DDB1: variants seen among roughly 807,000 people sequenced by gnomAD.
DDB1 encodes damage specific DNA binding protein 1.
A neutral mutation model predicts 133.1 loss-of-function variants in DDB1; 18 were observed. The ratio of observed to expected loss-of-function variants is 0.14; its 90% CI spans 0.09 to 0.20. The LOEUF (loss-of-function observed/expected upper bound fraction) is 0.20. Ranked by LOEUF, DDB1 falls within the 10% of genes least tolerant of loss-of-function variation. The probability of loss-of-function intolerance (pLI) is 1.00; values close to 1 mark genes in which losing one functional copy is unlikely to be tolerated. For missense variants in DDB1, 828 were observed against 1,459.2 expected (o/e 0.57, Z 7.05); for synonymous variants, 580 against 550.5 (o/e 1.05, Z -0.75).
chr11:61,313,546 C>T lies in DDB1; in HGVS notation c.2022G>A (p.Lys674=). Residue 674 remains lysine (K), a synonymous_variant, in exon 16 of 27, where the codon AAG becomes AAA. Transcript: ENST00000301764. ...HKLVFSNVNL[K]EVNYMCPLNS... Reference sequence around the variant, plus strand: ...TGAGGGGACACATGTAGTTCACTTCCTTGAGGTTGACATTTGAGAAGACCA... The same window carrying T: ...TGAGGGGACACATGTAGTTCACTTCTTTGAGGTTGACATTTGAGAAGACCA... 6.2e-7 allele frequency: 1 copy of T among 1,614,150 alleles called. No homozygotes were observed. Among genetic ancestry groups the T allele is most frequent in the Middle Eastern group, 1.6e-4 (1 of 6,062 alleles).
Position 61,309,864 on chromosome 11 carries a change from G to A in DDB1, c.2498C>T (p.Thr833Ile), listed in dbSNP as rs889304958. 1.9e-6 allele frequency: 3 copies of A among 1,614,084 alleles called. No homozygotes were observed. The highest frequency in any genetic ancestry group is 1.3e-5 in the African/African-American group (1 of 74,922). The change falls in exon 20 of 27, where the codon ACA becomes ATA. Residue 833 changes from threonine to isoleucine, a missense_variant. This residue lies in a region of DDB1 where 396 missense variants were observed against 554.1 expected (regional missense o/e 0.71). Transcript: ENST00000301764. ...TGCCTCTTCAGGATACACCATTGCT[G>A]TGCCCACAATGAAGTAAGTGTTGGG... ...KDPNTYFIVG[T>I]AMVYPEEAEP...
At chr11:61,326,151 G>T (rs989126538) in intron 5 of DDB1, 36 of 257,366 alleles carry the variant, frequency 1.4e-4, no homozygotes, top group African/African-American at 7.9e-4. Context: ...CCTACTGAGT[G>T]AGACAAACAT....
intron 21 of DDB1, 144 bp from the exon 22 acceptor site, chr11:61,304,179 A>G: frequency 4.2e-6 from 3 of 711,640 alleles, no homozygotes; most frequent in Non-Finnish European, 6.8e-6. Context: ...CACTGGGGTG[A>G]ACATTTATTA....
chr11:61,314,053 C>G lies in DDB1; in HGVS notation c.1747G>C (p.Gly583Arg), dbSNP rs761975433. The change falls in exon 14 of 27, where the codon GGT becomes CGT. Residue 583 changes from glycine to arginine, a missense_variant. Coordinates refer to ENST00000301764, the MANE Select transcript of DDB1 (RefSeq NM_001923.5). The part of the protein sequence containing the change: ...SFELLHKEML[G>R]GEIIPRSILM... ...GTCCCTAAATGACACATACCTCCACCCAGCATCTCCTTGTGCAGTAGTTCA... is the reference window on the plus strand; with the variant it reads ...GTCCCTAAATGACACATACCTCCACGCAGCATCTCCTTGTGCAGTAGTTCA... 6.2e-6 allele frequency: 10 copies of G among 1,613,982 alleles called. No individual in the cohort carries two copies. The highest frequency in any genetic ancestry group is 8.5e-6 in the Non-Finnish European group (10 of 1,179,936).
chr11:61,329,893 T>G, intron 3 of DDB1, 65 bp downstream of exon 3: 3 of 1,403,710 alleles, frequency 2.1e-6, no homozygotes, highest in Non-Finnish European at 3.0e-6. Flanking sequence ...AGCACTTTAA[T>G]TTTTTCCATG....
intron 19 of DDB1, 82 bp from the exon 20 acceptor site, chr11:61,310,042 G>A: frequency 6.3e-7 from 1 of 1,577,706 alleles, no homozygotes; most frequent in Non-Finnish European, 8.7e-7. Context: ...TGAGGCCTGT[G>A]GCTTAGGCAG....
intron 22 of DDB1, chr11:61,303,418 G>A (rs1855831193): frequency 5.1e-6 from 2 of 394,032 alleles, no homozygotes; most frequent in Admixed American, 4.0e-5. Flanking sequence ...GCCGGGCACA[G>A]TGGCTCACGC....
intron 6 of DDB1, among the ~76,000 whole-genome samples, chr11:61,324,604 T>C (rs993355893): frequency 1.3e-5 from 2 of 152,284 alleles, no homozygotes; most frequent in African/African-American, 4.8e-5. Flanking sequence ...ATGATCACAG[T>C]GCACTGTAGC....
rs546335746 is a variant in DDB1 at position 61,321,706 on chromosome 11, A to G, written c.1123-9T>C. ...CCAGAGCAAGTGACCAGCTGCAAGC[A>G]GAGAAAACGTTTCTAAAGAACCCCC... On this transcript the variant is annotated splice_polypyrimidine_tract_variant and intron_variant, in intron 9 of 26. Coordinates refer to ENST00000301764, the MANE Select transcript of DDB1 (RefSeq NM_001923.5). 2 of 1,613,866 alleles carry G rather than the reference A, an allele frequency of 1.2e-6. No homozygotes were observed. Among genetic ancestry groups the G allele is most frequent in the Non-Finnish European group, 1.7e-6 (2 of 1,179,712 alleles).
chr11:61,304,161 TTA>T, intron 21 of DDB1, 126 bp from the exon 22 acceptor site: 2 of 953,662 alleles, frequency 2.1e-6, no homozygotes, highest in Non-Finnish European at 3.2e-6. Flanking sequence ...GGAAACGGTT[TTA>T]TGAGGCACTG....
chr11:61,317,960 C>T lies in DDB1; in HGVS notation c.1226-1393G>A, dbSNP rs548880088. On this transcript the variant is annotated intron_variant, in intron 10 of 26. Transcript: ENST00000301764. ...TTGCTATGTTGCTCCAGTCTGGCCT[C>T]GATCTCCTGGGCTCAAGTGATCCTC... is the stretch of plus-strand genomic sequence containing the variant. Among the ~76,000 whole-genome samples the T allele has an allele frequency of 6.6e-5, 10 of 152,288 alleles. No individual in the cohort carries two copies. In the South Asian group the frequency reaches 1.9e-3, roughly 28 times the overall value.
intron 6 of DDB1, among the ~76,000 whole-genome samples, 176 bp downstream of exon 6, chr11:61,325,435 C>A (rs1260485196): frequency 1.3e-5 from 2 of 152,216 alleles, no homozygotes; most frequent in Non-Finnish European, 2.9e-5. Context: ...TCTCTGTAAG[C>A]AAATCCAGGC....
intron 3 of DDB1, 45 bp from the exon 4 acceptor site, chr11:61,329,629 G>A (rs895649521): frequency 1.6e-5 from 24 of 1,541,520 alleles, no homozygotes; most frequent in Non-Finnish European, 1.9e-5. Flanking sequence ...AACATCCACA[G>A]AGCAACAGAG....
rs546667654 is a variant in DDB1 at position 61,303,814 on chromosome 11, G to A, written c.2832+51C>T. ...TCCTTCCCCACCAGAGACACTTGCA[G>A]GGGCGGTGGCTCAAGCAAGAAGTCT... On this transcript the variant is annotated intron_variant, in intron 22 of 26. Coordinates refer to ENST00000301764, the MANE Select transcript of DDB1 (RefSeq NM_001923.5). 5.0e-6 allele frequency: 8 copies of A among 1,599,436 alleles called. No homozygotes were observed. The African/African-American group carries it at 8.0e-5, about 16-fold the overall frequency.
At chr11:61,310,038 C>T (rs946672662) in intron 19 of DDB1, 78 bp from the exon 20 acceptor site, 1 of 1,591,872 alleles carries the variant, frequency 6.3e-7, no homozygotes, top group African/African-American at 1.3e-5. Context: ...TTTCTGAGGC[C>T]TGTGGCTTAG....
In DDB1 at chr11:61,329,568, G is replaced by C; in HGVS notation, c.344C>G (p.Pro115Arg). 1 of 1,613,176 alleles carries C rather than the reference G, an allele frequency of 6.2e-7. No individual in the cohort carries two copies. The highest frequency in any genetic ancestry group is 8.5e-7 in the Non-Finnish European group (1 of 1,179,496). ...GATGCCAATAATGCCGGTCTCTGAG[G>C]GGCGGCCAATGCGGTCCTGAGAAAC... ...HGNVQDRIGR[P>R]SETGIIGIID... Residue 115 changes from proline (P) to arginine (R), a missense_variant, in exon 4 of 27, where the codon CCC (proline) becomes CGC (arginine). Physicochemically the swap from Pro to Arg is moderately radical, Grantham distance 103 (BLOSUM62 -2). Coordinates refer to ENST00000301764, the MANE Select transcript of DDB1 (RefSeq NM_001923.5).
intron 10 of DDB1, among the ~76,000 whole-genome samples, chr11:61,320,771 T>C (rs1856165298): frequency 6.6e-6 from 1 of 152,230 alleles, no homozygotes; most frequent in Non-Finnish European, 1.5e-5. Flanking sequence ...GATTATGCTG[T>C]CCTCAAACAG....
chr11:61,311,738 GC>G, intron 18 of DDB1, 45 bp downstream of exon 18: 1 of 1,546,246 alleles, frequency 6.5e-7, no homozygotes, highest in South Asian at 1.2e-5. Flanking sequence ...CAGAAAGCTT[GC>G]TGGCCCCTGC....
chr11:61,302,219 T>C, intron 25 of DDB1, 38 bp downstream of exon 25: 4 of 1,554,690 alleles, frequency 2.6e-6, no homozygotes, highest in Non-Finnish European at 3.6e-6. Flanking sequence ...TATGCCGGGA[T>C]GTGCTTCCCA....
Sources: allele counts gnomAD v4.1 joint callset (sites outside exome capture counted in the v4.1 genomes callset), GRCh38; gene constraint gnomAD v4.1.1; regional missense constraint gnomAD v4.1.1; transcripts MANE v1.5; gene names NCBI Gene and HGNC (gene_info 2026-07-23, HGNC 2026-07-21).